DNAH5: variants seen among roughly 807,000 people sequenced by gnomAD.
The protein encoded by DNAH5 is axonemal beta dynein heavy chain 5.
In DNAH5, 372 loss-of-function variants were observed where a neutral mutation model predicts 518.2. That is an observed-to-expected ratio of 0.72 (90% CI 0.66 to 0.78). The LOEUF is 0.78. Ranked by LOEUF, DNAH5 falls within the 30% of genes least tolerant of loss-of-function variation. The pLI, the probability that DNAH5 is intolerant of heterozygous loss-of-function variation, is 0.00. For synonymous variants in DNAH5, 2,039 were observed against 2,025.9 expected (o/e 1.01, Z -0.17); for missense variants, 5,523 against 5,687.0 (o/e 0.97, Z 0.93).
chr5:13,845,884 G>T, intron 31 of DNAH5, among the ~76,000 whole-genome samples: 1 of 141,562 alleles, frequency 7.1e-6, no homozygotes. Flanking sequence ...GGGCTGGAGT[G>T]CAGTGGCATG....
intron 53 of DNAH5, among the ~76,000 whole-genome samples, chr5:13,778,590 GAAAGAA>G (rs768905395): frequency 0.042 from 2,476 of 58,282 alleles, 76 homozygotes; most frequent in South Asian, 0.1. Context: ...AAGAAAGAAA[GAAAGAA>G]AGAGAGAGAG....
rs776738829 is a variant in DNAH5 at position 13,811,673 on chromosome 5, T to C, written c.7381A>G (p.Met2461Val). The change falls in exon 44 of 79, where the codon ATG becomes GTG. Residue 2461 changes from methionine (M) to valine (V), a missense_variant. By Grantham distance (21) the Met-to-Val change is conservative (BLOSUM62 1). This residue lies in a region of DNAH5 where 5,121 missense variants were observed against 5,223.3 expected (regional missense o/e 0.98). Coordinates refer to ENST00000265104, the MANE Select transcript of DNAH5 (RefSeq NM_001369.3). ...EAFVITQSINMLQGLIPLKEQ... is the reference protein window; with the variant it reads ...EAFVITQSINVLQGLIPLKEQ... ...TTCAGAGGAATCAGGCCTTGAAGCA[T>C]GTTAATGCTCTGTGTGATGACAAAG... The C allele has an allele frequency of 1.9e-6, 3 of 1,614,162 alleles. No homozygotes were observed. The highest frequency in any genetic ancestry group is 2.5e-6 in the Non-Finnish European group (3 of 1,180,012).
At chr5:13,969,531 T>G (rs999475793) in intron 1 of DNAH5, among the ~76,000 whole-genome samples, 1 of 152,192 alleles carries the variant, frequency 6.6e-6, no homozygotes, top group Non-Finnish European at 1.5e-5. Context: ...CTTCAATGAA[T>G]TTTTTAATTT....
rs774699675 is a variant in DNAH5, at chr5:13,810,209, C to T, written c.7459G>A (p.Ala2487Thr). ...GCCGCCCCCGCGCTCCACAGCAGCG[C>T]GAACACGAACAGCCGCCCCAGGTGA... is the stretch of plus-strand genomic sequence containing the variant. ...QAHLGRLFVF[A>T]LLWSAGAALE... The change falls in exon 45 of 79, where the codon GCG becomes ACG. Residue 2487 changes from alanine (A) to threonine (T), a missense_variant. Transcript: ENST00000265104. 23 of 1,550,460 alleles carry T rather than the reference C, an allele frequency of 1.5e-5. No individual in the cohort carries two copies. The highest frequency in any genetic ancestry group is 2.0e-5 in the Admixed American group (1 of 51,034).
intron 1 of DNAH5, among the ~76,000 whole-genome samples, chr5:13,953,824 C>T (rs1384957993): frequency 6.6e-6 from 1 of 152,138 alleles, no homozygotes; most frequent in Non-Finnish European, 1.5e-5. Context: ...TCTCCTGCCT[C>T]AGCCTCCCAA....
intron 78 of DNAH5, among the ~76,000 whole-genome samples, chr5:13,695,694 G>A (rs1478755569): frequency 2.0e-5 from 3 of 152,154 alleles, no homozygotes; most frequent in Non-Finnish European, 4.4e-5. Context: ...TGACAGAGTT[G>A]TTGTAAAGAT....
At chr5:13,751,831 AG>A (rs1750276395) in intron 64 of DNAH5, among the ~76,000 whole-genome samples, 1 of 152,230 alleles carries the variant, frequency 6.6e-6, no homozygotes, top group African/African-American at 2.4e-5. Flanking sequence ...GGGGGCACCC[AG>A]GTTTTATCAG....
chr5:13,959,925 G>A (rs770052625), intron 1 of DNAH5, among the ~76,000 whole-genome samples: 5 of 151,906 alleles, frequency 3.3e-5, no homozygotes, highest in South Asian at 4.2e-4. Context: ...CCGAGATTGC[G>A]CCATTGCACT....
chr5:13,975,986 G>A (rs956178767), intron 1 of DNAH5, among the ~76,000 whole-genome samples: 1 of 152,134 alleles, frequency 6.6e-6, no homozygotes, highest in African/African-American at 2.4e-5. Flanking sequence ...CATTAATCAT[G>A]CCACTGCACT....
intron 1 of DNAH5, among the ~76,000 whole-genome samples, chr5:13,941,823 A>T (rs1453583554): frequency 1.3e-5 from 2 of 152,262 alleles, no homozygotes; most frequent in Non-Finnish European, 2.9e-5. Context: ...ATTCCGCTGC[A>T]GTGGGGAGAA....
At chr5:13,717,217 T>G in intron 73 of DNAH5, 98 bp downstream of exon 73, 1 of 1,142,928 alleles carries the variant, frequency 8.7e-7, no homozygotes, top group Non-Finnish European at 1.3e-6. Flanking sequence ...GCACAGCAAA[T>G]TCTCTTATAT....
At chr5:13,701,151 A>G (rs188210778) in intron 77 of DNAH5, 133 bp downstream of exon 77, 53 of 1,221,178 alleles carry the variant, frequency 4.3e-5, no homozygotes, top group Admixed American at 1.8e-4. Flanking sequence ...ATTTATGTAC[A>G]TGACAATGTA....
intron 1 of DNAH5, among the ~76,000 whole-genome samples, chr5:13,963,578 A>AAAATAAATAAATAAATAAATAAATAAAT (rs148032042): frequency 1.6e-4 from 24 of 150,564 alleles, no homozygotes; most frequent in African/African-American, 4.9e-4. Flanking sequence ...ACTCTATCTC[A>AAAATAAATAAATAAATAAATAAATAAAT]AAATAAATAA....
rs541733608 is a variant in DNAH5 at position 13,893,133 on chromosome 5, T to G, written c.2431+1517A>C. Among the ~76,000 whole-genome samples, 21 of 152,284 alleles carry G rather than the reference T, an allele frequency of 1.4e-4. No individual in the cohort carries two copies. The South Asian group carries it at 1.7e-3, about 12-fold the overall frequency. On this transcript the variant is annotated intron_variant, in intron 16 of 78. Transcript: ENST00000265104. The stretch of plus-strand genomic sequence containing the variant: ...TCTGAACCCTAAGTTTTTTGGAAAG[T>G]GCGGTGAAAATCTACTGATAAGACA...
chr5:13,906,056 T>C (rs1242706598), intron 12 of DNAH5, among the ~76,000 whole-genome samples: 1 of 152,110 alleles, frequency 6.6e-6, no homozygotes, highest in Non-Finnish European at 1.5e-5. Context: ...TCCGACTAGA[T>C]GGAAAAGGCA....
intron 1 of DNAH5, among the ~76,000 whole-genome samples, chr5:13,959,664 G>A (rs1781020077): frequency 6.6e-6 from 1 of 152,168 alleles, no homozygotes. Context: ...GGAATTCTGT[G>A]TGAGTTCTAT....
At chr5:13,839,601 T>C (rs776415475) in intron 34 of DNAH5, 73 bp from the exon 35 acceptor site, 14 of 1,311,748 alleles carry the variant, frequency 1.1e-5, no homozygotes, top group Non-Finnish European at 1.4e-5. Context: ...TTAGCATTCA[T>C]GTAGATCATA....
At chr5:13,973,374 C>G (rs1243182507) in intron 1 of DNAH5, among the ~76,000 whole-genome samples, 3 of 152,182 alleles carry the variant, frequency 2.0e-5, no homozygotes, top group Non-Finnish European at 2.9e-5. Context: ...TTTAGGTCAC[C>G]AAGTTTCTTA....
At chr5:13,787,706 A>G (rs764477848) in intron 51 of DNAH5, among the ~76,000 whole-genome samples, 2 of 151,680 alleles carry the variant, frequency 1.3e-5, no homozygotes, top group South Asian at 4.1e-4. Flanking sequence ...TTACCTTGTA[A>G]GATGCCCTTA....
Sources: gnomAD v4.1 joint callset for allele counts (sites outside exome capture counted in the v4.1 genomes callset) on GRCh38, gnomAD v4.1.1 for gene constraint, gnomAD v4.1.1 regional missense constraint, MANE v1.5 for transcripts, NCBI Gene and HGNC (gene_info 2026-07-23, HGNC 2026-07-21) for gene names.